The following PDE4B variants were observed in gnomAD, a reference collection of about 807,000 sequenced individuals.
PDE4B encodes 3',5'-cyclic-AMP phosphodiesterase 4B.
PDE4B carries 20 observed loss-of-function variants against 82.2 expected under a neutral mutation model. That is an observed-to-expected ratio of 0.24 (90% CI 0.17 to 0.35). The LOEUF is 0.35. Among genes scored for constraint, PDE4B ranks in the 10% least tolerant of loss-of-function variants. The pLI is 1.00. For missense variants in PDE4B, 655 were observed against 907.2 expected (o/e 0.72, Z 3.57); for synonymous variants, 320 against 318.9 (o/e 1.00, Z -0.04).
chr1:66,312,451 A>G (rs544604279), intron 7 of PDE4B, among the ~76,000 whole-genome samples: 57 of 152,338 alleles, frequency 3.7e-4, no homozygotes, highest in African/African-American at 1.3e-3. Flanking sequence ...CAAAGGGAGC[A>G]ATAGCTGGTC....
intron 3 of PDE4B, among the ~76,000 whole-genome samples, chr1:66,033,786 T>C (rs1037800275): frequency 5.5e-5 from 5 of 90,888 alleles, no homozygotes; most frequent in African/African-American, 1.5e-4. Flanking sequence ...CTTTCTTTCT[T>C]TCTTTTTTGT....
At chr1:65,846,589 A>T (rs934779263) in intron 1 of PDE4B, among the ~76,000 whole-genome samples, 4 of 152,194 alleles carry the variant, frequency 2.6e-5, no homozygotes, top group African/African-American at 9.6e-5. Flanking sequence ...AGAAGCTAAG[A>T]TGCTAAGAAT....
Position 66,365,782 on chromosome 1 carries a change from C to T in PDE4B, c.1384+16C>T, listed in dbSNP as rs375688813. 1.6e-5 allele frequency: 22 copies of T among 1,402,010 alleles called. No homozygotes were observed. In the East Asian group the frequency reaches 1.9e-4, roughly 12 times the overall value. The allele number at this position is 1,402,010 out of a possible 1,614,324, so 86.8% of individuals were successfully genotyped here. On this transcript the variant is annotated intron_variant, in intron 13 of 16. Transcript: ENST00000341517. ...ATCAACACAAGTGAGTTCACCACTA[C>T]AGCAGTCATTCCAGATAATTGTATG...
At chr1:65,847,888 G>A (rs936240858) in intron 1 of PDE4B, among the ~76,000 whole-genome samples, 7 of 152,114 alleles carry the variant, frequency 4.6e-5, no homozygotes, top group African/African-American at 1.7e-4. Context: ...GAATGGGGGA[G>A]TTAATGTATT....
At chr1:65,905,813 C>T (rs1314469543) in intron 1 of PDE4B, among the ~76,000 whole-genome samples, 1 of 152,064 alleles carries the variant, frequency 6.6e-6, no homozygotes, top group Non-Finnish European at 1.5e-5. Context: ...GCACTGTGAA[C>T]CTGACCCAGG....
At chr1:66,337,148 C>T (rs1660586053) in intron 8 of PDE4B, among the ~76,000 whole-genome samples, 1 of 152,220 alleles carries the variant, frequency 6.6e-6, no homozygotes, top group Non-Finnish European at 1.5e-5. Flanking sequence ...AAGGAATATT[C>T]ATGCCACTTT....
chr1:66,329,598 A>G (rs772305551), intron 7 of PDE4B, among the ~76,000 whole-genome samples: 5 of 152,100 alleles, frequency 3.3e-5, no homozygotes, highest in Non-Finnish European at 7.3e-5. Context: ...TCTACCCTTC[A>G]ATGCCAGGCC....
chr1:66,027,308 G>A (rs752761403), intron 3 of PDE4B, among the ~76,000 whole-genome samples: 1 of 152,174 alleles, frequency 6.6e-6, no homozygotes, highest in Non-Finnish European at 1.5e-5. Flanking sequence ...ATCAGATTTT[G>A]TGAAACTTAT....
intron 3 of PDE4B, among the ~76,000 whole-genome samples, chr1:66,062,396 G>C (rs1655623771): frequency 6.6e-6 from 1 of 152,022 alleles, no homozygotes; most frequent in South Asian, 2.1e-4. Flanking sequence ...GAGACAACTT[G>C]GGGATTCTGT....
intron 3 of PDE4B, among the ~76,000 whole-genome samples, chr1:66,198,501 A>G (rs1648536823): frequency 6.6e-6 from 1 of 152,188 alleles, no homozygotes; most frequent in Non-Finnish European, 1.5e-5. Flanking sequence ...TTCATCTTAG[A>G]GAAACTACAA....
chr1:66,147,264 CTAAGT>C (rs1212255148), intron 3 of PDE4B, among the ~76,000 whole-genome samples: 2 of 152,142 alleles, frequency 1.3e-5, no homozygotes, highest in African/African-American at 4.8e-5. Context: ...TAAATATTTC[CTAAGT>C]TAATTCTTAA....
intron 7 of PDE4B, among the ~76,000 whole-genome samples, chr1:66,274,917 A>G (rs900050478): frequency 2.0e-5 from 3 of 152,150 alleles, no homozygotes; most frequent in Non-Finnish European, 4.4e-5. Context: ...TAATAATACC[A>G]TCTGAAGGGA....
intron 8 of PDE4B, among the ~76,000 whole-genome samples, chr1:66,334,227 T>C (rs1359146703): frequency 6.6e-6 from 1 of 152,174 alleles, no homozygotes; most frequent in Non-Finnish European, 1.5e-5. Flanking sequence ...CACCAAAATA[T>C]ACTAACTAGA....
intron 3 of PDE4B, among the ~76,000 whole-genome samples, chr1:65,948,946 T>G (rs949932416): frequency 1.3e-5 from 2 of 152,072 alleles, no homozygotes; most frequent in African/African-American, 4.8e-5. Flanking sequence ...CTTTTGAATA[T>G]TCATATTCAA....
rs12072506 is a variant in PDE4B at position 66,364,002 on chromosome 1, A to G, written c.1284+431A>G. ...TATTAAAAGTATTTAACTGTAAAGC[A>G]ATTAACAGAATTTCAGGGCAGGAAT... On this transcript the variant is annotated intron_variant, in intron 12 of 16. Coordinates refer to ENST00000341517, the MANE Select transcript of PDE4B (RefSeq NM_002600.4). Among the ~76,000 whole-genome samples the G allele has an allele frequency of 7.5e-3, 1,143 of 152,268 alleles. 13 individuals carry two copies. Among genetic ancestry groups the G allele is most frequent in the African/African-American group, 0.026 (1,087 of 41,554 alleles).
intron 3 of PDE4B, among the ~76,000 whole-genome samples, chr1:65,961,458 A>G (rs926235010): frequency 2.6e-5 from 4 of 152,304 alleles, no homozygotes; most frequent in African/African-American, 9.6e-5. Flanking sequence ...TAATATTATA[A>G]TTTTATAGCT....
chr1:66,323,043 G>C (rs936582425), intron 7 of PDE4B, among the ~76,000 whole-genome samples: 1 of 152,040 alleles, frequency 6.6e-6, no homozygotes, highest in African/African-American at 2.4e-5. Flanking sequence ...TTGCCTTCAA[G>C]TTCATTCTCC....
Position 65,812,439 on chromosome 1 carries a change from A to G in PDE4B, c.-71+19191A>G, listed in dbSNP as rs576516045. On this transcript the variant is annotated intron_variant, in intron 1 of 16. Transcript: ENST00000341517. Reference sequence around the variant, plus strand: ...CACCTGCTGCTGCTCTCCCTGATCCAGGGCCAACTTGGACAAATCCCTTCC... The same window carrying G: ...CACCTGCTGCTGCTCTCCCTGATCCGGGGCCAACTTGGACAAATCCCTTCC... Among the ~76,000 whole-genome samples the G allele has an allele frequency of 1.3e-5, 2 of 152,310 alleles. 1 individual carries two copies. The highest frequency in any genetic ancestry group is 4.1e-4 in the South Asian group (2 of 4,822).
intron 3 of PDE4B, among the ~76,000 whole-genome samples, chr1:66,193,201 A>G (rs1647978937): frequency 6.6e-6 from 1 of 152,206 alleles, no homozygotes; most frequent in Non-Finnish European, 1.5e-5. Flanking sequence ...TCCTTTAAAC[A>G]TCTGGATATA....
Sources: gnomAD v4.1 joint callset for allele counts (sites outside exome capture counted in the v4.1 genomes callset) on GRCh38, gnomAD v4.1.1 for gene constraint, MANE v1.5 for transcripts, NCBI Gene and HGNC (gene_info 2026-07-23, HGNC 2026-07-21) for gene names.